The following MAN2A1 variants were observed in gnomAD, a reference collection of about 807,000 sequenced individuals.
MAN2A1 encodes the protein alpha-mannosidase 2.
A neutral mutation model predicts 142.6 loss-of-function variants in MAN2A1; 76 were observed. That is an observed-to-expected ratio of 0.53 (90% CI 0.44 to 0.65). The LOEUF (loss-of-function observed/expected upper bound fraction) is 0.65, where lower values mean the gene tolerates loss of function less well. Ranked by LOEUF, MAN2A1 falls within the 30% of genes least tolerant of loss-of-function variation. MAN2A1 has a pLI of 0.00. For synonymous variants in MAN2A1, 559 were observed against 473.2 expected (o/e 1.18, Z -2.35); for missense variants, 1,311 against 1,365.1 (o/e 0.96, Z 0.62).
In MAN2A1 at chr5:109,867,152, A is replaced by G. The variant is rs931384074; in HGVS notation, c.*154A>G. The stretch of plus-strand genomic sequence containing the variant: ...TTTTTCTTTTTTCTTTTACCAGTAC[A>G]GTAAGAAAAAAAAAAAAAAAAAAAA... On this transcript the variant is annotated 3_prime_UTR_variant, in exon 22 of 22. Coordinates refer to ENST00000261483, the MANE Select transcript of MAN2A1 (RefSeq NM_002372.4). 7.4e-5 allele frequency: 19 copies of G among 255,060 alleles called. No individual in the cohort carries two copies. The highest frequency in any genetic ancestry group is 2.2e-5 in the Non-Finnish European group (3 of 139,472). 15.8% of individuals were successfully genotyped at this position (255,060 alleles called of 1,614,324 possible).
At chr5:109,712,195 C>G (rs1393568753) in intron 1 of MAN2A1, among the ~76,000 whole-genome samples, 3 of 151,472 alleles carry the variant, frequency 2.0e-5, no homozygotes, top group East Asian at 1.9e-4. Context: ...CTTGGTAGAT[C>G]TCAGTCTCTT....
At chr5:109,744,989 G>A (rs1469943175) in intron 4 of MAN2A1, among the ~76,000 whole-genome samples, 1 of 152,146 alleles carries the variant, frequency 6.6e-6, no homozygotes, top group Non-Finnish European at 1.5e-5. Flanking sequence ...TTCAGCAGAA[G>A]AAGAGAGACA....
chr5:109,844,297 A>G (rs995438309), intron 17 of MAN2A1, among the ~76,000 whole-genome samples: 1 of 152,166 alleles, frequency 6.6e-6, no homozygotes, highest in Non-Finnish European at 1.5e-5. Flanking sequence ...AAAATTGACC[A>G]TTTTTTAAGC....
intron 13 of MAN2A1, among the ~76,000 whole-genome samples, chr5:109,818,614 A>G (rs1754536367): frequency 6.6e-6 from 1 of 152,168 alleles, no homozygotes; most frequent in Non-Finnish European, 1.5e-5. Context: ...TATTATGTTT[A>G]TCATTTTTAT....
At chr5:109,758,724 T>C (rs1436329969) in intron 5 of MAN2A1, among the ~76,000 whole-genome samples, 1 of 148,990 alleles carries the variant, frequency 6.7e-6, no homozygotes, top group East Asian at 1.9e-4. Flanking sequence ...ACTATTAATA[T>C]AATTGTTATA....
intron 1 of MAN2A1, among the ~76,000 whole-genome samples, chr5:109,712,969 T>A (rs1582814081): frequency 6.6e-6 from 1 of 152,236 alleles, no homozygotes; most frequent in Admixed American, 6.5e-5. Flanking sequence ...AAAAGCAGAC[T>A]GAATGACTTC....
At chr5:109,730,629 T>C (rs1277671471) in intron 4 of MAN2A1, among the ~76,000 whole-genome samples, 1 of 152,232 alleles carries the variant, frequency 6.6e-6, no homozygotes, top group Admixed American at 6.5e-5. Flanking sequence ...AATTATCTTA[T>C]AATGAATTGT....
At chr5:109,779,617 G>A (rs918179444) in intron 8 of MAN2A1, among the ~76,000 whole-genome samples, 15 of 151,856 alleles carry the variant, frequency 9.9e-5, no homozygotes, top group African/African-American at 3.6e-4. Context: ...TAATGCTTGT[G>A]AGTAATAATA....
intron 6 of MAN2A1, among the ~76,000 whole-genome samples, chr5:109,769,877 A>G (rs1193213707): frequency 6.6e-6 from 1 of 152,030 alleles, no homozygotes; most frequent in African/African-American, 2.4e-5. Context: ...GTGTTTTTAT[A>G]AGTCTATGCT....
chr5:109,772,512 G>A (rs1383259169), intron 7 of MAN2A1, among the ~76,000 whole-genome samples: 1 of 152,018 alleles, frequency 6.6e-6, no homozygotes, highest in African/African-American at 2.4e-5. Context: ...CCCCTTTCAA[G>A]CTCCCCACTT....
rs372538964 is a variant in MAN2A1 at position 109,820,220 on chromosome 5, C to G, written c.2329C>G (p.Gln777Glu). 2 of 1,599,058 alleles carry G rather than the reference C, an allele frequency of 1.3e-6. No individual in the cohort carries two copies. The highest frequency in any genetic ancestry group is 1.3e-5 in the African/African-American group (1 of 74,272). The change falls in exon 15 of 22, where the codon CAA becomes GAA. Residue 777 changes from glutamine (Q) to glutamate (E), a missense_variant and splice_region_variant. Gln to Glu is a conservative substitution (Grantham distance 29). Transcript: ENST00000261483. ...TATTATTATTTTTTTTAATCTTTAG[C>G]AAATGATGACTAAAGAAGATGGTAA... ...LRFDQTGLMK[Q>E]MMTKEDGKHH... is the part of the protein sequence containing the mutation.
chr5:109,720,772 G>A (rs868025505), intron 3 of MAN2A1, among the ~76,000 whole-genome samples: 5 of 152,224 alleles, frequency 3.3e-5, no homozygotes, highest in South Asian at 2.1e-4. Context: ...CATGCAGCCC[G>A]TGGGCTGCAG....
At chr5:109,762,658 G>A (rs778032126) in intron 5 of MAN2A1, among the ~76,000 whole-genome samples, 6 of 152,186 alleles carry the variant, frequency 3.9e-5, no homozygotes, top group Non-Finnish European at 7.4e-5. Flanking sequence ...GTGCCTTGGA[G>A]AAGATCAGTG....
chr5:109,709,605 C>T (rs1395144892), intron 1 of MAN2A1, among the ~76,000 whole-genome samples: 1 of 152,182 alleles, frequency 6.6e-6, no homozygotes, highest in African/African-American at 2.4e-5. Flanking sequence ...TGTAGATACA[C>T]ATTGATTGAT....
Position 109,820,759 on chromosome 5 carries a change from C to T in MAN2A1, c.2451+417C>T, listed in dbSNP as rs184228313. 5.0e-3 allele frequency among the ~76,000 whole-genome samples: 764 copies of T among 152,200 alleles called. 4 individuals are homozygous for T. Among genetic ancestry groups the T allele is most frequent in the Non-Finnish European group, 8.1e-3 (552 of 68,002 alleles). On this transcript the variant is annotated intron_variant, in intron 15 of 21. Transcript: ENST00000261483. ...AGGCAGTTGCAGTGAGCCAAGATCA[C>T]GCCACTGCACTCCAGCCTGGGTTGA... is the stretch of plus-strand genomic sequence containing the variant.
chr5:109,745,300 AATAAT>A (rs1465233408), intron 4 of MAN2A1, among the ~76,000 whole-genome samples: 5 of 152,220 alleles, frequency 3.3e-5, no homozygotes, highest in African/African-American at 9.6e-5. Context: ...CAATAAATAC[AATAAT>A]ATAATACAAT....
chr5:109,804,335 G>A (rs1754108302), intron 12 of MAN2A1: 1 of 950,068 alleles, frequency 1.1e-6, no homozygotes, highest in African/African-American at 1.8e-5. Flanking sequence ...CTTATTCAGA[G>A]AGTAGCGCTT....
intron 20 of MAN2A1, among the ~76,000 whole-genome samples, chr5:109,859,383 A>G (rs1367333164): frequency 1.3e-5 from 2 of 152,214 alleles, no homozygotes; most frequent in African/African-American, 4.8e-5. Flanking sequence ...TTTTTGGAAA[A>G]TGATTATATG....
At chr5:109,799,828 C>T (rs183376362) in intron 12 of MAN2A1, among the ~76,000 whole-genome samples, 1 of 151,766 alleles carries the variant, frequency 6.6e-6, no homozygotes, top group Non-Finnish European at 1.5e-5. Flanking sequence ...GTGACTTACC[C>T]TATAATCCCA....
Sources: gnomAD v4.1 joint callset for allele counts (sites outside exome capture counted in the v4.1 genomes callset) on GRCh38, gnomAD v4.1.1 for gene constraint, MANE v1.5 for transcripts, NCBI Gene and HGNC (gene_info 2026-07-23, HGNC 2026-07-21) for gene names.